MYH7B: variants seen among roughly 807,000 people sequenced by gnomAD.
MYH7B encodes myosin heavy chain 7B.
Under a neutral mutation model 234.5 loss-of-function variants are expected in MYH7B, and 205 were observed. The ratio of observed to expected loss-of-function variants is 0.87; its 90% CI spans 0.78 to 0.98. The LOEUF (loss-of-function observed/expected upper bound fraction) is 0.98. Among genes scored for constraint, MYH7B ranks in the 50% least tolerant of loss-of-function variants. MYH7B has a pLI of 0.00. For synonymous variants in MYH7B, 1,193 were observed against 1,105.0 expected, an observed-to-expected ratio of 1.08 and a Z score of -1.58; for missense variants, 2,652 against 2,633.4, an observed-to-expected ratio of 1.01 and a Z score of -0.15.
chr20:34,999,207 G>A (rs1303971741), exon 36 of MYH7B: 2 of 1,612,528 alleles, frequency 1.2e-6, no homozygotes, highest in Non-Finnish European at 1.7e-6. Flanking sequence ...AGCAGCTGCT[G>A]CGCTGGACAA....
At chr20:34,985,212 T>G in intron 13 of MYH7B, 83 bp downstream of exon 13, 1 of 1,349,178 alleles carries the variant, frequency 7.4e-7, no homozygotes, top group Non-Finnish European at 1.1e-6. Flanking sequence ...TCACGACTTC[T>G]GGGCTCCTGC....
At chr20:34,975,334 A>G (rs2081838208) in intron 2 of MYH7B, 66 bp from the exon 3 acceptor site, 1 of 524,950 alleles carries the variant, frequency 1.9e-6, no homozygotes, top group South Asian at 2.9e-5. Flanking sequence ...CCTCCTGAGT[A>G]GCTGAGACTA....
At chr20:34,984,000 C>A (rs570750527) in intron 10 of MYH7B, among the ~76,000 whole-genome samples, 4 of 152,298 alleles carry the variant, frequency 2.6e-5, no homozygotes, top group African/African-American at 9.6e-5. Flanking sequence ...TCACTTAGTC[C>A]CCCTGGGTGA....
intron 19 of MYH7B, among the ~76,000 whole-genome samples, 186 bp downstream of exon 19, chr20:34,988,448 G>A (rs982138747): frequency 7.9e-5 from 12 of 151,492 alleles, no homozygotes; most frequent in South Asian, 2.1e-4. Flanking sequence ...GAAAGGGCAC[G>A]TGTGTGAGTG....
chr20:34,993,268 T>A, intron 25 of MYH7B, 43 bp downstream of exon 25: 1 of 1,613,840 alleles, frequency 6.2e-7, no homozygotes, highest in South Asian at 1.1e-5. Flanking sequence ...GCTGTGGCGG[T>A]CACACTGGGC....
chr20:34,989,962 C>T lies in MYH7B; in HGVS notation c.1767+43C>T, dbSNP rs770019743. 4.2e-5 allele frequency: 67 copies of T among 1,612,938 alleles called. 1 individual carries two copies. Among genetic ancestry groups the T allele is most frequent in the South Asian group, 6.6e-5 (6 of 90,988 alleles). On this transcript the variant is annotated intron_variant, in intron 20 of 44. Transcript: ENST00000262873. ...CCCCAGCCCTCGGCCAGGCTCCTCC[C>T]GCCCTGCTCCAGGTCTCCCACCCGG...
At chr20:34,992,632 C>T (rs2082177518) in intron 24 of MYH7B, among the ~76,000 whole-genome samples, 1 of 141,790 alleles carries the variant, frequency 7.1e-6, no homozygotes, top group African/African-American at 2.6e-5. Context: ...AGGATCTTGG[C>T]TCACTGCAAC....
At chr20:34,977,606 T>A in intron 3 of MYH7B, 26 bp from the exon 4 acceptor site, 4 of 1,571,004 alleles carry the variant, frequency 2.5e-6, no homozygotes, top group Non-Finnish European at 3.5e-6. Flanking sequence ...ATTGCTGACA[T>A]AGCTCTCCTC....
intron 2 of MYH7B, among the ~76,000 whole-genome samples, chr20:34,962,246 C>T (rs1263710829): frequency 6.6e-6 from 1 of 152,070 alleles, no homozygotes; most frequent in Non-Finnish European, 1.5e-5. Flanking sequence ...TATAATAATG[C>T]TGCTATGAAC....
intron 3 of MYH7B, among the ~76,000 whole-genome samples, chr20:34,976,403 C>T (rs557126643): frequency 7.2e-5 from 11 of 152,212 alleles, no homozygotes; most frequent in Non-Finnish European, 1.2e-4. Flanking sequence ...TCCATTGTTC[C>T]ATGTGTCTGG....
At chr20:34,985,162 A>C in intron 13 of MYH7B, 33 bp downstream of exon 13, 1 of 1,603,184 alleles carries the variant, frequency 6.2e-7, no homozygotes, top group Non-Finnish European at 8.5e-7. Flanking sequence ...GTGCAGGGGA[A>C]GGAGGCCTGA....
At position 34,998,586 on chromosome 20, in the gene MYH7B, A is replaced by C. The variant is rs773581831; in HGVS notation, c.3950A>C (p.Gln1317Pro). Residue 1317 changes from glutamine (Q) to proline (P), a missense_variant, in exon 34 of 45, where the codon CAA becomes CCA. Coordinates refer to ENST00000262873, the Ensembl canonical transcript of MYH7B. ...AGCCGTGGAAAGGCCCTGGCCGCCCAAAGCCTGGAAGAGTTGCGGCGCCAG... is the reference window on the plus strand; with the variant it reads ...AGCCGTGGAAAGGCCCTGGCCGCCCCAAGCCTGGAAGAGTTGCGGCGCCAG... 4.0e-5 allele frequency: 65 copies of C among 1,613,440 alleles called. No homozygotes were observed. The highest frequency in any genetic ancestry group is 5.3e-5 in the Non-Finnish European group (63 of 1,179,974).
At position 34,999,446 on chromosome 20, in the gene MYH7B, G is replaced by A. The variant is rs763756311; in HGVS notation, c.4540+41G>A. On this transcript the variant is annotated intron_variant, in intron 36 of 44. Transcript: ENST00000262873. ...CGCCAGGGCCAGGGTGCTGCCCTGG[G>A]GTCGGAGCAACTTTGAGTTATGGGG... 5 of 1,516,186 alleles carry A rather than the reference G, an allele frequency of 3.3e-6. No homozygotes were observed. In the African/African-American group the frequency reaches 7.0e-5, roughly 21 times the overall value. 93.9% of individuals were successfully genotyped at this position (1,516,186 alleles called of 1,614,324 possible).
At chr20:35,001,379 C>T (rs753021085) in intron 42 of MYH7B, 30 bp downstream of exon 42, 1 of 1,596,946 alleles carries the variant, frequency 6.3e-7, no homozygotes, top group South Asian at 1.1e-5. Flanking sequence ...TGGGGAGTGG[C>T]CCTGGAGCTG....
intron 7 of MYH7B, 42 bp from the exon 8 acceptor site, chr20:34,980,536 T>G: frequency 6.4e-7 from 1 of 1,552,976 alleles, no homozygotes; most frequent in Non-Finnish European, 8.9e-7. Context: ...AGACTCCATC[T>G]CAAAAACAAC....
At chr20:34,981,147 A>G in intron 9 of MYH7B, 87 bp downstream of exon 9, 1 of 1,553,424 alleles carries the variant, frequency 6.4e-7, no homozygotes, top group Non-Finnish European at 8.9e-7. Flanking sequence ...CCAGGATTGA[A>G]TCCAAAGTGC....
At chr20:34,989,696 T>G in intron 19 of MYH7B, 44 bp from the exon 20 acceptor site, 1 of 1,581,976 alleles carries the variant, frequency 6.3e-7, no homozygotes, top group African/African-American at 1.3e-5. Context: ...CCTTCCAGGA[T>G]GGACTGGCTT....
exon 31 of MYH7B, chr20:34,997,088 A>C: frequency 6.5e-7 from 1 of 1,544,564 alleles, no homozygotes; most frequent in Non-Finnish European, 8.7e-7. Flanking sequence ...CCCAGGAAGG[A>C]CTCCGAGCTG....
At chr20:34,957,264 T>C (rs969615415) in intron 1 of MYH7B, among the ~76,000 whole-genome samples, 1 of 151,990 alleles carries the variant, frequency 6.6e-6, no homozygotes, top group African/African-American at 2.4e-5. Context: ...ACATGGTTAG[T>C]TTTGTGTGTT....
Sources: gnomAD v4.1 joint callset for allele counts (sites outside exome capture counted in the v4.1 genomes callset) on GRCh38, gnomAD v4.1.1 for gene constraint, MANE v1.5 for transcripts, NCBI Gene and HGNC (gene_info 2026-07-23, HGNC 2026-07-21) for gene names.